AP3S2: variants seen among roughly 807,000 people sequenced by gnomAD.
AP3S2 encodes adaptor related protein complex 3 subunit sigma 2.
AP3S2 carries 22 observed loss-of-function variants against 23.4 expected under a neutral mutation model. The observed-to-expected ratio is 0.94, with a 90% CI of 0.67 to 1.34. The LOEUF is 1.34. AP3S2 is among the 40% of genes most tolerant of loss of function. The probability of loss-of-function intolerance (pLI) is 0.00; values close to 1 mark genes in which losing one functional copy is unlikely to be tolerated. For missense variants in AP3S2, 241 were observed against 236.9 expected, an observed-to-expected ratio of 1.02 and a Z score of -0.11; for synonymous variants, 86 against 87.1, an observed-to-expected ratio of 0.99 and a Z score of 0.07.
Position 89,888,518 on chromosome 15 carries a change from T to C in AP3S2, c.273+3A>G. 6.2e-7 allele frequency: 1 copy of C among 1,613,980 alleles called. No homozygotes were observed. The highest frequency in any genetic ancestry group is 8.5e-7 in the Non-Finnish European group (1 of 1,179,870). ...GCTGCCATCATTAGCTGACTACACA[T>C]ACCTGGATGAGGTCCAAGATTCCAA... On this transcript the variant is annotated splice_donor_region_variant and intron_variant, in intron 3 of 5. Coordinates refer to ENST00000336418, the MANE Select transcript of AP3S2 (RefSeq NM_005829.5).
chr15:89,884,504 G>C (rs1432472481), intron 3 of AP3S2, among the ~76,000 whole-genome samples: 1 of 151,808 alleles, frequency 6.6e-6, no homozygotes, highest in Non-Finnish European at 1.5e-5. Flanking sequence ...TTTGTTTAAG[G>C]TCACACTGCT....
intron 4 of AP3S2, among the ~76,000 whole-genome samples, chr15:89,853,568 C>T (rs372735931): frequency 3.3e-5 from 5 of 151,644 alleles, no homozygotes; most frequent in African/African-American, 1.2e-4. Flanking sequence ...GCCTGGCCGC[C>T]CATCGTCTGG....
intron 4 of AP3S2, among the ~76,000 whole-genome samples, chr15:89,842,685 T>G (rs563784490): frequency 6.6e-6 from 1 of 152,364 alleles, no homozygotes; most frequent in South Asian, 2.1e-4. Context: ...CGATCTCGGC[T>G]CAGTGCAACC....
chr15:89,893,244 G>T (rs1216968977), intron 1 of AP3S2: 1 of 152,998 alleles, frequency 6.5e-6, no homozygotes, highest in South Asian at 2.1e-4. Context: ...TTCGAAGACA[G>T]GAAGCAAATA....
At chr15:89,861,435 A>G (rs1283216914) in intron 4 of AP3S2, among the ~76,000 whole-genome samples, 2 of 152,216 alleles carry the variant, frequency 1.3e-5, no homozygotes, top group Non-Finnish European at 2.9e-5. Flanking sequence ...GTAGATCAGA[A>G]TGTTAGGTCA....
chr15:89,855,868 A>C (rs373351915), intron 4 of AP3S2, among the ~76,000 whole-genome samples: 2 of 147,042 alleles, frequency 1.4e-5, no homozygotes, highest in Non-Finnish European at 3.0e-5. Flanking sequence ...AAAAAAAAGG[A>C]CTTTCTCAAA....
intron 3 of AP3S2, among the ~76,000 whole-genome samples, chr15:89,878,486 TC>T (rs759867228): frequency 6.6e-6 from 1 of 152,218 alleles, no homozygotes; most frequent in Non-Finnish European, 1.5e-5. Flanking sequence ...TCACCACTAT[TC>T]AGGGAAACTC....
intron 1 of AP3S2, among the ~76,000 whole-genome samples, chr15:89,892,024 A>G (rs1037194580): frequency 6.6e-6 from 1 of 152,270 alleles, no homozygotes; most frequent in Non-Finnish European, 1.5e-5. Context: ...ATATCCATAT[A>G]ATGGAATATT....
At position 89,858,523 on chromosome 15, in the gene AP3S2, G is replaced by GAGAGAAAGAA. The variant is rs1555446558; in HGVS notation, c.345+12951_345+12952insTTCTTTCTCT. Reference sequence around the variant, plus strand: ...AGAGAGAGAGAGAGAGAGAGAGAGAGAGAAAGAAAGAAAGAAAGAAAGAAA... The same window carrying GAGAGAAAGAA: ...AGAGAGAGAGAGAGAGAGAGAGAGAGAGAGAAAGAAAGAAAGAAAGAAAGAAAGAAAGAAA... On this transcript the variant is annotated intron_variant, in intron 4 of 5. Coordinates refer to ENST00000336418, the MANE Select transcript of AP3S2 (RefSeq NM_005829.5). 3.3e-3 allele frequency among the ~76,000 whole-genome samples: 175 copies of GAGAGAAAGAA among 53,170 alleles called. 1 individual carries two copies. The highest frequency in any genetic ancestry group is 8.8e-3 in the Admixed American group (34 of 3,856). 34.9% of individuals were successfully genotyped at this position (53,170 alleles called of 152,430 possible).
intron 3 of AP3S2, among the ~76,000 whole-genome samples, chr15:89,873,348 G>C (rs574827165): frequency 1.0e-4 from 15 of 149,502 alleles, no homozygotes; most frequent in African/African-American, 3.7e-4. Flanking sequence ...GCAGTGCCAC[G>C]ATCTTGGCTC....
At chr15:89,853,520 A>T (rs1895712104) in intron 4 of AP3S2, among the ~76,000 whole-genome samples, 1 of 152,244 alleles carries the variant, frequency 6.6e-6, no homozygotes, top group South Asian at 2.1e-4. Flanking sequence ...AGAATCAATG[A>T]GGGCTGCCAC....
intron 3 of AP3S2, among the ~76,000 whole-genome samples, chr15:89,880,448 T>C (rs181761369): frequency 2.1e-3 from 321 of 152,008 alleles, no homozygotes; most frequent in Admixed American, 5.9e-3. Flanking sequence ...CCCAACACTT[T>C]GGGAGGCCGA....
At chr15:89,884,385 A>G (rs1896643577) in intron 3 of AP3S2, among the ~76,000 whole-genome samples, 1 of 152,162 alleles carries the variant, frequency 6.6e-6, no homozygotes, top group Admixed American at 6.6e-5. Flanking sequence ...TTTTAGGGCT[A>G]GAAAAGAATA....
chr15:89,844,920 T>G (rs944550649), intron 4 of AP3S2, among the ~76,000 whole-genome samples: 4 of 152,198 alleles, frequency 2.6e-5, no homozygotes, highest in Non-Finnish European at 4.4e-5. Context: ...TTTTCTTTTT[T>G]TTTTTGGAAA....
intron 4 of AP3S2, among the ~76,000 whole-genome samples, chr15:89,871,031 T>C (rs1336938540): frequency 6.6e-6 from 1 of 152,232 alleles, no homozygotes; most frequent in Non-Finnish European, 1.5e-5. Flanking sequence ...ATTACAGATC[T>C]CTTAGTCACT....
At chr15:89,843,667 C>A (rs1218204323) in intron 4 of AP3S2, among the ~76,000 whole-genome samples, 1 of 151,838 alleles carries the variant, frequency 6.6e-6, no homozygotes, top group Non-Finnish European at 1.5e-5. Flanking sequence ...GTTAGCTGGG[C>A]AGAAGTGGCA....
At chr15:89,849,038 A>C (rs1019954096) in intron 4 of AP3S2, 1 of 152,182 alleles carries the variant, frequency 6.6e-6, no homozygotes, top group African/African-American at 2.4e-5. Flanking sequence ...ATTCCCTTGC[A>C]TCTCTTTTAC....
At chr15:89,840,671 C>T (rs1471432937) in intron 4 of AP3S2, among the ~76,000 whole-genome samples, 3 of 152,214 alleles carry the variant, frequency 2.0e-5, no homozygotes, top group Non-Finnish European at 4.4e-5. Flanking sequence ...CAGATGATCC[C>T]CCTGCCTTGG....
intron 4 of AP3S2, among the ~76,000 whole-genome samples, chr15:89,864,433 A>T (rs1434898467): frequency 6.6e-6 from 1 of 152,202 alleles, no homozygotes; most frequent in Admixed American, 6.5e-5. Context: ...CCTTAACCTG[A>T]CAATCTTTAC....
Sources: gnomAD v4.1 joint callset for allele counts (sites outside exome capture counted in the v4.1 genomes callset) on GRCh38, gnomAD v4.1.1 for gene constraint, MANE v1.5 for transcripts, NCBI Gene and HGNC (gene_info 2026-07-23, HGNC 2026-07-21) for gene names.